The following IQGAP2 variants were observed in gnomAD, a reference collection of about 807,000 sequenced individuals.
IQGAP2 encodes IQ motif containing GTPase activating protein 2.
IQGAP2 carries 173 observed loss-of-function variants against 201.3 expected under a neutral mutation model. The ratio of observed to expected loss-of-function variants is 0.86; its 90% CI spans 0.76 to 0.98. The LOEUF (loss-of-function observed/expected upper bound fraction) is 0.98. IQGAP2 is among the 50% of genes least tolerant of loss of function. The probability of loss-of-function intolerance (pLI) is 0.00; values close to 1 mark genes in which losing one functional copy is unlikely to be tolerated. For missense variants in IQGAP2, 1,687 were observed against 1,864.8 expected (o/e 0.90, Z 1.76); for synonymous variants, 675 against 673.9 (o/e 1.00, Z -0.03).
chr5:76,515,872 CTTTTTTTTT>C (rs71604295), intron 2 of IQGAP2, among the ~76,000 whole-genome samples: 4 of 102,762 alleles, frequency 3.9e-5, no homozygotes, highest in African/African-American at 7.9e-5. Context: ...AGGGGGTGAT[CTTTTTTTTT>C]TTTTTTTTTT....
chr5:76,526,457 T>C (rs993281657), intron 2 of IQGAP2, among the ~76,000 whole-genome samples: 2 of 152,140 alleles, frequency 1.3e-5, no homozygotes, highest in African/African-American at 4.8e-5. Flanking sequence ...AGAAGTGGGA[T>C]ATAATATGGA....
At chr5:76,463,527 C>T (rs1398674629) in intron 2 of IQGAP2, among the ~76,000 whole-genome samples, 1 of 152,124 alleles carries the variant, frequency 6.6e-6, no homozygotes, top group African/African-American at 2.4e-5. Context: ...AGCTATAGTG[C>T]CAGTCAGGTT....
rs1005511003 is a variant in IQGAP2, at chr5:76,700,541, T to C, written c.4368-535T>C. Among the ~76,000 whole-genome samples, 4 of 152,036 alleles carry C rather than the reference T, an allele frequency of 2.6e-5. No individual in the cohort carries two copies. In the East Asian group the frequency reaches 5.8e-4, roughly 22 times the overall value. ...AACCTCCCCCCAAAAAAGCAAAGAG[T>C]ACCAGACTCACAAGTATGGTTATGA... is the stretch of plus-strand genomic sequence containing the variant. On this transcript the variant is annotated intron_variant, in intron 33 of 35. Transcript: ENST00000274364.
At position 76,631,924 on chromosome 5, in the gene IQGAP2, G is replaced by A; in HGVS notation, c.1678G>A (p.Val560Ile). ...AAAAAAATCAAGTGATATTTTGTCT[G>A]TATTGAAGTCTTCCACTTCTAATGC... ...EGKKSSDILS[V>I]LKSSTSNAND... The change falls in exon 15 of 36, where the codon GTA becomes ATA. Residue 560 changes from valine (V) to isoleucine (I), a missense_variant. Transcript: ENST00000274364. 1 of 1,612,354 alleles carries A rather than the reference G, an allele frequency of 6.2e-7. No homozygotes were observed.
At chr5:76,624,174 G>C (rs976143115) in intron 13 of IQGAP2, 1 of 152,092 alleles carries the variant, frequency 6.6e-6, no homozygotes, top group African/African-American at 2.4e-5. Flanking sequence ...CCAGTATTAA[G>C]TGTACAGTTC....
At chr5:76,698,181 G>GTCAT in intron 33 of IQGAP2, 34 bp downstream of exon 33, 4 of 1,485,282 alleles carry the variant, frequency 2.7e-6, no homozygotes, top group Non-Finnish European at 3.7e-6. Flanking sequence ...CATTTGTAAT[G>GTCAT]TCATGATTTC....
At chr5:76,517,063 A>C (rs1758374629) in intron 2 of IQGAP2, among the ~76,000 whole-genome samples, 1 of 152,158 alleles carries the variant, frequency 6.6e-6, no homozygotes, top group Admixed American at 6.6e-5. Flanking sequence ...GAAAACCAGG[A>C]GCCAGAGACC....
intron 32 of IQGAP2, among the ~76,000 whole-genome samples, chr5:76,695,886 G>C (rs1746691590): frequency 7.6e-6 from 1 of 131,156 alleles, no homozygotes; most frequent in Non-Finnish European, 1.5e-5. Flanking sequence ...TGTTGCCCAG[G>C]CTGGAGTGCA....
chr5:76,656,529 A>G (rs1025193102), intron 20 of IQGAP2, among the ~76,000 whole-genome samples: 10 of 151,738 alleles, frequency 6.6e-5, no homozygotes, highest in African/African-American at 1.9e-4. Context: ...TTTTTTTCTG[A>G]GCCCTAACAC....
intron 2 of IQGAP2, among the ~76,000 whole-genome samples, chr5:76,535,917 T>C (rs1759595350): frequency 6.6e-6 from 1 of 152,118 alleles, no homozygotes; most frequent in Admixed American, 6.5e-5. Context: ...GTGATGGGAA[T>C]TAAGAGAATT....
chr5:76,647,005 C>T (rs540967366), intron 17 of IQGAP2, among the ~76,000 whole-genome samples: 1 of 152,206 alleles, frequency 6.6e-6, no homozygotes, highest in African/African-American at 2.4e-5. Flanking sequence ...TGAGTCATAA[C>T]TACCATTGAC....
chr5:76,440,444 C>T (rs1752961393), intron 1 of IQGAP2, among the ~76,000 whole-genome samples: 1 of 151,862 alleles, frequency 6.6e-6, no homozygotes, highest in East Asian at 1.9e-4. Context: ...AAGGACATTC[C>T]AAAAGAGGCA....
chr5:76,663,463 CGA>C (rs1743450893), intron 21 of IQGAP2, among the ~76,000 whole-genome samples: 1 of 123,842 alleles, frequency 8.1e-6, no homozygotes. Flanking sequence ...TCTAGAACAG[CGA>C]CTTTCAAATA....
intron 13 of IQGAP2, chr5:76,618,566 A>C: frequency 6.2e-7 from 1 of 1,614,134 alleles, no homozygotes; most frequent in African/African-American, 1.3e-5. Flanking sequence ...ACTCTTCAAA[A>C]GAATTTGGGG....
At position 76,627,484 on chromosome 5, in the gene IQGAP2, G is replaced by A; in HGVS notation, c.1596G>A (p.Lys532=). The change falls in exon 14 of 36, where the codon AAG becomes AAA. Residue 532 remains lysine (K), a synonymous_variant. Coordinates refer to ENST00000274364, the MANE Select transcript of IQGAP2 (RefSeq NM_006633.5). The part of the protein sequence containing the change: ...QQAVDDANVD[K]DRAKQWVTLV... ...CCGTCGATGATGCCAACGTGGACAA[G>A]GACAGAGCAAAACAATGTAAGCCCT... 6.4e-7 allele frequency: 1 copy of A among 1,573,418 alleles called. No individual in the cohort carries two copies. Among genetic ancestry groups the A allele is most frequent in the South Asian group, 1.1e-5 (1 of 89,930 alleles).
chr5:76,656,231 T>C (rs2161218), intron 20 of IQGAP2, among the ~76,000 whole-genome samples: 94,797 of 151,598 alleles, frequency 0.63, 29,920 homozygotes, highest in South Asian at 0.82. Context: ...TTTTGTTTTT[T>C]TTTTTTCTTG....
rs753192577 is a variant in IQGAP2 at position 76,673,484 on chromosome 5, T to A, written c.3104T>A (p.Leu1035Gln). Residue 1035 changes from leucine (L) to glutamine (Q), a missense_variant, in exon 25 of 36, where the codon CTA becomes CAA. Transcript: ENST00000274364. Reference protein sequence around the residue: ...LPYDVTTEQALTYPEVKNKLE... With the variant: ...LPYDVTTEQAQTYPEVKNKLE... ...TATGATGTGACCACAGAACAAGCTCTAACATACCCAGAAGTGAAAAATAAA... is the reference window on the plus strand; with the variant it reads ...TATGATGTGACCACAGAACAAGCTCAAACATACCCAGAAGTGAAAAATAAA... 10 of 1,614,096 alleles carry A rather than the reference T, an allele frequency of 6.2e-6. 1 individual carries two copies. In the South Asian group the frequency reaches 1.1e-4, roughly 18 times the overall value.
intron 2 of IQGAP2, among the ~76,000 whole-genome samples, chr5:76,467,275 A>G (rs1477731221): frequency 1.3e-5 from 2 of 152,150 alleles, no homozygotes; most frequent in Non-Finnish European, 2.9e-5. Context: ...AATAAAAGTA[A>G]AGCACTTTTA....
intron 20 of IQGAP2, 46 bp from the exon 21 acceptor site, chr5:76,658,413 A>T (rs955058163): frequency 1.4e-6 from 2 of 1,435,638 alleles, no homozygotes; most frequent in African/African-American, 2.8e-5. Context: ...GTTGATAATC[A>T]TTCCAAGCTT....
Sources: gnomAD v4.1 joint callset for allele counts (sites outside exome capture counted in the v4.1 genomes callset) on GRCh38, gnomAD v4.1.1 for gene constraint, MANE v1.5 for transcripts, NCBI Gene and HGNC (gene_info 2026-07-23, HGNC 2026-07-21) for gene names.